WDR43: variants seen among roughly 807,000 people sequenced by gnomAD.
WDR43 encodes the protein WD repeat domain 43, also known as WD repeat-containing protein 43.
WDR43 carries 13 observed loss-of-function variants against 91.4 expected under a neutral mutation model. The ratio of observed to expected loss-of-function variants is 0.14; its 90% CI spans 0.09 to 0.23. The LOEUF is 0.23. Among genes scored for constraint, WDR43 ranks in the 10% least tolerant of loss-of-function variants. The pLI is 1.00. For missense variants in WDR43, 780 were observed against 809.4 expected (o/e 0.96, Z 0.44); for synonymous variants, 331 against 287.9 (o/e 1.15, Z -1.51).
chr2:28,926,600 T>A, intron 9 of WDR43, 46 bp downstream of exon 9: 1 of 1,478,340 alleles, frequency 6.8e-7, no homozygotes. Context: ...GAATATTTCT[T>A]TGGGTGAATG....
chr2:28,927,503 A>C, intron 9 of WDR43, 66 bp from the exon 10 acceptor site: 1 of 1,565,222 alleles, frequency 6.4e-7, no homozygotes, highest in Non-Finnish European at 8.7e-7. Flanking sequence ...CTGTTTTCTC[A>C]TTGAGGATAC....
chr2:28,940,626 C>T (rs1350414147), intron 14 of WDR43, among the ~76,000 whole-genome samples: 4 of 152,180 alleles, frequency 2.6e-5, no homozygotes, highest in African/African-American at 9.7e-5. Context: ...TCTGGACTTC[C>T]AAATGGCTTC....
chr2:28,937,145 T>C (rs760135505), intron 13 of WDR43, among the ~76,000 whole-genome samples, 192 bp downstream of exon 13: 10 of 152,238 alleles, frequency 6.6e-5, no homozygotes, highest in Non-Finnish European at 1.3e-4. Context: ...AACTCCTAAA[T>C]TGATACTTTA....
intron 11 of WDR43, among the ~76,000 whole-genome samples, chr2:28,933,792 C>G (rs1270911282): frequency 1.3e-5 from 2 of 152,212 alleles, no homozygotes; most frequent in East Asian, 3.8e-4. Flanking sequence ...AAAGCTTGCA[C>G]ACACCCCTTA....
intron 3 of WDR43, among the ~76,000 whole-genome samples, chr2:28,909,123 C>A (rs1168733259): frequency 6.6e-6 from 1 of 151,940 alleles, no homozygotes; most frequent in African/African-American, 2.4e-5. Flanking sequence ...TGATGATTAT[C>A]CCGAGATTTT....
chr2:28,933,193 T>C (rs531341375), intron 11 of WDR43, among the ~76,000 whole-genome samples: 1 of 152,114 alleles, frequency 6.6e-6, no homozygotes, highest in South Asian at 2.1e-4. Flanking sequence ...ACCAAAGAAA[T>C]GGTAAAATAA....
At chr2:28,904,230 GA>G (rs1174317181) in intron 2 of WDR43, among the ~76,000 whole-genome samples, 19 of 152,262 alleles carry the variant, frequency 1.2e-4, no homozygotes, top group Admixed American at 1.1e-3. Context: ...TGGTAAGGTG[GA>G]AAAGGACCAG....
At position 28,912,574 on chromosome 2, in the gene WDR43, T is replaced by C. The variant is rs1325501104; in HGVS notation, c.486-16T>C. On this transcript the variant is annotated splice_polypyrimidine_tract_variant and intron_variant, in intron 3 of 17. Transcript: ENST00000407426. Reference sequence around the variant, plus strand: ...TCTCATGTATTGAGATGCTTTTTTTTCTCTTCACAATATAGCAAATGGAAA... The same window carrying C: ...TCTCATGTATTGAGATGCTTTTTTTCCTCTTCACAATATAGCAAATGGAAA... 2 of 1,605,064 alleles carry C rather than the reference T, an allele frequency of 1.2e-6. No homozygotes were observed. The highest frequency in any genetic ancestry group is 1.7e-6 in the Non-Finnish European group (2 of 1,176,272).
intron 3 of WDR43, among the ~76,000 whole-genome samples, chr2:28,907,204 G>A (rs1357693352): frequency 6.6e-6 from 1 of 152,200 alleles, no homozygotes; most frequent in Admixed American, 6.5e-5. Flanking sequence ...TCCACCTACT[G>A]TGTAGTTGAG....
intron 3 of WDR43, among the ~76,000 whole-genome samples, chr2:28,912,335 A>C (rs990223145): frequency 1.2e-4 from 19 of 152,080 alleles, no homozygotes; most frequent in African/African-American, 4.6e-4. Context: ...TCATTTTCTG[A>C]TACTTGTTGA....
At chr2:28,929,949 C>G (rs1436883000) in intron 11 of WDR43, 1 of 583,174 alleles carries the variant, frequency 1.7e-6, no homozygotes, top group East Asian at 3.4e-5. Context: ...AAATACTGTT[C>G]TGAATTATTA....
At chr2:28,931,888 T>G (rs1375203904) in intron 11 of WDR43, among the ~76,000 whole-genome samples, 5 of 150,370 alleles carry the variant, frequency 3.3e-5, no homozygotes, top group Non-Finnish European at 7.4e-5. Flanking sequence ...TTTTTTTTTT[T>G]TTTTAAATGA....
intron 1 of WDR43, among the ~76,000 whole-genome samples, chr2:28,896,017 T>G (rs565149811): frequency 6.6e-6 from 1 of 152,332 alleles, no homozygotes; most frequent in Admixed American, 6.5e-5. Flanking sequence ...TTTTTCAAAT[T>G]TTAAGCTACA....
At chr2:28,928,472 CT>C (rs1395454254) in intron 10 of WDR43, among the ~76,000 whole-genome samples, 3 of 152,172 alleles carry the variant, frequency 2.0e-5, no homozygotes, top group Non-Finnish European at 4.4e-5. Flanking sequence ...AAAGCGCCAA[CT>C]TTCTTTGGCT....
intron 10 of WDR43, among the ~76,000 whole-genome samples, chr2:28,928,889 G>A (rs913019039): frequency 1.3e-5 from 2 of 151,928 alleles, no homozygotes; most frequent in Non-Finnish European, 2.9e-5. Context: ...TGCCCAGGCT[G>A]GTCTCGAACA....
At chr2:28,917,611 C>T (rs1467607536) in intron 5 of WDR43, among the ~76,000 whole-genome samples, 1 of 152,144 alleles carries the variant, frequency 6.6e-6, no homozygotes, top group East Asian at 1.9e-4. Flanking sequence ...GTATTAGTGT[C>T]AGGATAGACA....
At chr2:28,898,507 T>G (rs1459821099) in intron 1 of WDR43, among the ~76,000 whole-genome samples, 3 of 152,228 alleles carry the variant, frequency 2.0e-5, no homozygotes, top group African/African-American at 7.2e-5. Flanking sequence ...ATGAATACAT[T>G]TTGTTCACTG....
Position 28,935,600 on chromosome 2 carries a change from T to C in WDR43, c.1517T>C (p.Leu506Ser). ...RMPLHTIIPL[L>S]QELTKRLQGH... The stretch of plus-strand genomic sequence containing the variant: ...CCCCTGCATACTATTATTCCGTTGT[T>C]ACAAGAGGTAACTGACTGCTTTTTT... Residue 506 changes from leucine to serine, a missense_variant, in exon 12 of 18, where the codon TTA (leucine) becomes TCA (serine). This residue lies in a region of WDR43 where 426 missense variants were observed against 467.8 expected (regional missense o/e 0.91). Transcript: ENST00000407426. 6.3e-7 allele frequency: 1 copy of C among 1,584,840 alleles called. No individual in the cohort carries two copies. Among genetic ancestry groups the C allele is most frequent in the Non-Finnish European group, 8.6e-7 (1 of 1,165,080 alleles).
chr2:28,943,761 A>T (rs182190520), intron 16 of WDR43, among the ~76,000 whole-genome samples: 12 of 152,302 alleles, frequency 7.9e-5, no homozygotes, highest in African/African-American at 2.9e-4. Flanking sequence ...GGAACAAAAA[A>T]TTTTACCATT....
Sources: gnomAD v4.1 joint callset for allele counts (sites outside exome capture counted in the v4.1 genomes callset) on GRCh38, gnomAD v4.1.1 for gene constraint, gnomAD v4.1.1 regional missense constraint, MANE v1.5 for transcripts, NCBI Gene and HGNC (gene_info 2026-07-23, HGNC 2026-07-21) for gene names.